The following ZNF318 variants were observed in gnomAD, a reference collection of about 807,000 sequenced individuals.
ZNF318 encodes the protein zinc finger protein 318.
ZNF318 carries 51 observed loss-of-function variants against 124.2 expected under a neutral mutation model. The observed-to-expected ratio is 0.41, with a 90% CI of 0.33 to 0.52. ZNF318 has a LOEUF of 0.52. ZNF318 is among the 20% of genes least tolerant of loss of function. The pLI is 0.23. For missense variants in ZNF318, 2,815 were observed against 2,811.2 expected, an observed-to-expected ratio of 1.00 and a Z score of -0.03; for synonymous variants, 1,090 against 1,040.7, an observed-to-expected ratio of 1.05 and a Z score of -0.91.
chr6:43,350,434 C>A (rs989622973), intron 5 of ZNF318, among the ~76,000 whole-genome samples: 3 of 152,108 alleles, frequency 2.0e-5, no homozygotes, highest in Admixed American at 2.0e-4. Flanking sequence ...AATTCATACT[C>A]ATATAAATGA....
intron 3 of ZNF318, 129 bp downstream of exon 3, chr6:43,356,997 T>C: frequency 9.0e-7 from 1 of 1,107,312 alleles, no homozygotes; most frequent in Non-Finnish European, 1.3e-6. Flanking sequence ...TCCTAGAAGG[T>C]GTAGCTCACA....
intron 5 of ZNF318, among the ~76,000 whole-genome samples, chr6:43,350,502 T>C (rs895819501): frequency 1.3e-5 from 2 of 152,148 alleles, no homozygotes; most frequent in African/African-American, 4.8e-5. Context: ...AGCCAACTAA[T>C]AAAGCTAGAA....
At chr6:43,368,530 G>A (rs1467930841) in intron 1 of ZNF318, among the ~76,000 whole-genome samples, 2 of 152,162 alleles carry the variant, frequency 1.3e-5, no homozygotes, top group East Asian at 3.8e-4. Flanking sequence ...GGGTTCAAGC[G>A]TCCCTAACTC....
In ZNF318 at chr6:43,355,233, C is replaced by G; in HGVS notation, c.2101G>C (p.Asp701His). ...CTGTTTTTTGTGAGCAGGTAAGGATCCACAGGAGAAGGTGGGTGTGGATGG... is the reference window on the plus strand; with the variant it reads ...CTGTTTTTTGTGAGCAGGTAAGGATGCACAGGAGAAGGTGGGTGTGGATGG... ...VSHPHPPSPV[D>H]PYLLTKNSPP... Residue 701 changes from aspartate (D) to histidine (H), a missense_variant, in exon 4 of 10, where the codon GAT becomes CAT. Transcript: ENST00000361428. The G allele has an allele frequency of 6.2e-7, 1 of 1,614,146 alleles. No homozygotes were observed. The highest frequency in any genetic ancestry group is 2.2e-5 in the East Asian group (1 of 44,884).
intron 5 of ZNF318, among the ~76,000 whole-genome samples, chr6:43,350,878 T>C (rs1454906905): frequency 6.6e-6 from 1 of 152,184 alleles, no homozygotes; most frequent in Non-Finnish European, 1.5e-5. Flanking sequence ...CAATGGATGC[T>C]AAAACCAGTG....
rs1196319271 is a variant in ZNF318, at chr6:43,339,249, A to C, written c.4749T>G (p.Thr1583=). 1.9e-6 allele frequency: 3 copies of C among 1,611,770 alleles called. No homozygotes were observed. The East Asian group carries it at 6.7e-5, about 36-fold the overall frequency. Residue 1583 remains threonine (T), a synonymous_variant, in exon 10 of 10, where the codon ACT becomes ACG. Coordinates refer to ENST00000361428, the MANE Select transcript of ZNF318 (RefSeq NM_014345.3). The surrounding 1 kb of genome is among the most constrained non-coding windows in gnomAD (Gnocchi z 4.2). ...TTAGCTTAGTCTCAGGGGCCCCCTT[A>C]GTCTCAGGGGCCCCCTTTCCACCAC... ...YSSGGKGAPE[T]KGAPETKLSG... is the part of the protein sequence containing the mutation.
At position 43,357,711 on chromosome 6, in the gene ZNF318, AC is replaced by A; in HGVS notation, c.602del (p.Gly201ValfsTer80). 1 of 1,607,668 alleles carries A rather than the reference AC, an allele frequency of 6.2e-7. No individual in the cohort carries two copies. On this transcript the variant is annotated frameshift_variant, in exon 3 of 10. Transcript: ENST00000361428. LOFTEE classifies it high-confidence loss of function. ...VFTRSSQCSR[G>X]LERYISQEEG... ...CCTCCTGGGAAATATATCGCTCAAG[AC>A]CCCGAGAGCACTGGGAGCTTCGAGT...
intron 2 of ZNF318, chr6:43,364,036 C>T (rs982627280): frequency 2.8e-5 from 23 of 830,456 alleles, no homozygotes; most frequent in South Asian, 1.5e-4. Context: ...CGTCTCAGCC[C>T]GTGCCCAAGA....
chr6:43,357,469 A>G lies in ZNF318; in HGVS notation c.845T>C (p.Ile282Thr). The G allele has an allele frequency of 6.2e-7, 1 of 1,614,166 alleles. No homozygotes were observed. The highest frequency in any genetic ancestry group is 8.5e-7 in the Non-Finnish European group (1 of 1,180,008). ...KRPRYDDTVK[I>T]NSMGGDHPSF... Reference sequence around the variant, plus strand: ...TGGGTGATCCCCTCCCATGCTGTTTATCTTCACTGTGTCATCATAACGGGG... The same window carrying G: ...TGGGTGATCCCCTCCCATGCTGTTTGTCTTCACTGTGTCATCATAACGGGG... Residue 282 changes from isoleucine to threonine, a missense_variant, in exon 3 of 10, where the codon ATA (isoleucine) becomes ACA (threonine). Transcript: ENST00000361428.
chr6:43,365,740 C>A (rs1779752189), intron 1 of ZNF318, among the ~76,000 whole-genome samples: 1 of 152,180 alleles, frequency 6.6e-6, no homozygotes, highest in Admixed American at 6.5e-5. Context: ...GCCATGACTG[C>A]ACCACAGCAC....
chr6:43,339,757 T>C lies in ZNF318; in HGVS notation c.4241A>G (p.Glu1414Gly). The C allele has an allele frequency of 6.2e-7, 1 of 1,614,114 alleles. No individual in the cohort carries two copies. Among genetic ancestry groups the C allele is most frequent in the Non-Finnish European group, 8.5e-7 (1 of 1,180,020 alleles). The part of the protein sequence containing the change: ...DIISKAFGGE[E>G]VILKGSPEEK... ...CTCTGGAGACCCTTTTAGAATCACC[T>C]CTTCCCCTCCAAATGCTTTGGAGAT... The change falls in exon 10 of 10, where the codon GAG (glutamate) becomes GGG (glycine). Residue 1414 changes from glutamate to glycine, a missense_variant. By Grantham distance (98) the Glu-to-Gly change is moderately conservative. Around this residue, in one of 4 missense-constraint regions of ZNF318, gnomAD observed 500 missense variants for 605.2 expected, o/e 0.83. Transcript: ENST00000361428. The surrounding 1 kb of genome is among the most constrained non-coding windows in gnomAD (Gnocchi z 4.2).
rs1779590297 is a variant in ZNF318, at chr6:43,355,375, T to C, written c.1959A>G (p.Ser653=). The change falls in exon 4 of 10, where the codon TCA becomes TCG. Residue 653 remains serine (S), a synonymous_variant. Coordinates refer to ENST00000361428, the MANE Select transcript of ZNF318 (RefSeq NM_014345.3). ...GGTCAACTGAGGAACAGCGGTCAGC[T>C]GAGAAGCGGTGGTCAACTGAGGAAC... ...DHCSSVDHRF[S]ADRCSSVDHC... is the part of the protein sequence containing the mutation. 2 of 1,614,004 alleles carry C rather than the reference T, an allele frequency of 1.2e-6. No individual in the cohort carries two copies. Among genetic ancestry groups the C allele is most frequent in the Admixed American group, 3.3e-5 (2 of 60,006 alleles).
Position 43,336,949 on chromosome 6 carries a change from AAGT to A in ZNF318, c.*206_*208del. The A allele has an allele frequency of 3.0e-6, 1 of 330,316 alleles. No individual in the cohort carries two copies. Among genetic ancestry groups the A allele is most frequent in the Non-Finnish European group, 5.4e-6 (1 of 185,550 alleles). The allele number at this position is 330,316 out of a possible 1,614,324, so 20.5% of individuals were successfully genotyped here. On this transcript the variant is annotated 3_prime_UTR_variant, in exon 10 of 10. Coordinates refer to ENST00000361428, the MANE Select transcript of ZNF318 (RefSeq NM_014345.3). ...TTTACAGATATATATATATATATATAAGTTGTTATCGATTTGTCTGGTGTTTTA... is the reference window on the plus strand; with the variant it reads ...TTTACAGATATATATATATATATATATGTTATCGATTTGTCTGGTGTTTTA...
At chr6:43,352,250 T>G in intron 5 of ZNF318, 127 bp downstream of exon 5, 1 of 679,886 alleles carries the variant, frequency 1.5e-6, no homozygotes, top group South Asian at 2.0e-5. Context: ...AACTTTTTTG[T>G]AAGTTTAATT....
chr6:43,355,239 GAGA>G lies in ZNF318; in HGVS notation c.2092_2094del (p.Ser698del), dbSNP rs1471894308. ...TTTGTGAGCAGGTAAGGATCCACAG[GAGA>G]AGGTGGGTGTGGATGGGACACCTCT... On this transcript the variant is annotated inframe_deletion, in exon 4 of 10. Coordinates refer to ENST00000361428, the MANE Select transcript of ZNF318 (RefSeq NM_014345.3). 6.2e-7 allele frequency: 1 copy of G among 1,614,208 alleles called. No individual in the cohort carries two copies. The highest frequency in any genetic ancestry group is 1.7e-5 in the Admixed American group (1 of 60,034).
chr6:43,338,074 G>C lies in ZNF318; in HGVS notation c.5924C>G (p.Pro1975Arg). The C allele has an allele frequency of 1.2e-6, 2 of 1,614,114 alleles. No individual in the cohort carries two copies. Among genetic ancestry groups the C allele is most frequent in the African/African-American group, 1.3e-5 (1 of 75,036 alleles). ...TTGTAGCTCCAGTGCTTCTGTTTTTGGTTTCTCTGGGCTCTCCCAGGTCTC... is the reference window on the plus strand; with the variant it reads ...TTGTAGCTCCAGTGCTTCTGTTTTTCGTTTCTCTGGGCTCTCCCAGGTCTC... Reference protein sequence around the residue: ...RPETWESPEKPKTEALELQDV... With the variant: ...RPETWESPEKRKTEALELQDV... The change falls in exon 10 of 10, where the codon CCA becomes CGA. Residue 1975 changes from proline to arginine, a missense_variant. Physicochemically the swap from Pro to Arg is moderately radical, Grantham distance 103. Transcript: ENST00000361428.
chr6:43,365,457 T>C lies in ZNF318; in HGVS notation c.400-17A>G. On this transcript the variant is annotated splice_polypyrimidine_tract_variant and intron_variant, in intron 1 of 9. Coordinates refer to ENST00000361428, the MANE Select transcript of ZNF318 (RefSeq NM_014345.3). ...AGAGCGTCTCTACAAAAGTAAAGGA[T>C]AATATGGTTAGTCAATAGGGTCAAG... The C allele has an allele frequency of 1.2e-6, 2 of 1,609,560 alleles. No homozygotes were observed. The highest frequency in any genetic ancestry group is 1.7e-6 in the Non-Finnish European group (2 of 1,178,334).
intron 4 of ZNF318, 96 bp from the exon 5 acceptor site, chr6:43,352,572 T>C (rs1379955035): frequency 1.2e-5 from 13 of 1,127,904 alleles, no homozygotes; most frequent in Non-Finnish European, 1.7e-5. Context: ...ATTATCTGAA[T>C]GTAAGGATCC....
chr6:43,348,232 A>T, intron 6 of ZNF318, 92 bp downstream of exon 6: 4 of 1,239,370 alleles, frequency 3.2e-6, no homozygotes, highest in Non-Finnish European at 4.5e-6. Context: ...GAGTAAGAAC[A>T]GTTTGAAAAC....
Sources: gnomAD v4.1 joint callset for allele counts (sites outside exome capture counted in the v4.1 genomes callset) on GRCh38, gnomAD v4.1.1 for gene constraint, gnomAD v4.1.1 regional missense constraint, Gnocchi (gnomAD v3.1) non-coding constraint, MANE v1.5 for transcripts, NCBI Gene and HGNC (gene_info 2026-07-23, HGNC 2026-07-21) for gene names.